TSGA13: variants seen among roughly 807,000 people sequenced by gnomAD.
TSGA13 encodes the protein testis-specific gene 13 protein.
TSGA13 carries 37 observed loss-of-function variants against 35.1 expected under a neutral mutation model. The ratio of observed to expected loss-of-function variants is 1.05; its 90% CI spans 0.81 to 1.39. The LOEUF (loss-of-function observed/expected upper bound fraction) is 1.39. Ranked by LOEUF, TSGA13 falls within the 40% of genes most tolerant of loss-of-function variation. The pLI is 0.00. For missense variants in TSGA13, 338 were observed against 328.5 expected (o/e 1.03, Z -0.22); for synonymous variants, 124 against 121.2 (o/e 1.02, Z -0.15).
chr7:130,679,461 A>T, intron 4 of TSGA13, 94 bp from the exon 5 acceptor site: 3 of 1,125,222 alleles, frequency 2.7e-6, no homozygotes, highest in Middle Eastern at 3.0e-4. Flanking sequence ...CTGTGGGGTA[A>T]GAACAGAAGC....
At chr7:130,672,467 T>A (rs1796295498) in intron 6 of TSGA13, among the ~76,000 whole-genome samples, 1 of 149,890 alleles carries the variant, frequency 6.7e-6, no homozygotes, top group South Asian at 2.1e-4. Flanking sequence ...TGAGGGTACT[T>A]TTTTTTTTTT....
chr7:130,673,950 C>A (rs1269171412), intron 5 of TSGA13, among the ~76,000 whole-genome samples: 1 of 151,794 alleles, frequency 6.6e-6, no homozygotes, highest in East Asian at 2.0e-4. Context: ...AAAAAATTAG[C>A]TGGGCGTGGT....
intron 4 of TSGA13, among the ~76,000 whole-genome samples, chr7:130,680,047 G>A (rs996932931): frequency 5.3e-5 from 8 of 152,192 alleles, no homozygotes; most frequent in Non-Finnish European, 1.0e-4. Flanking sequence ...TAAGGTACGA[G>A]GGAAAGCTAC....
At chr7:130,674,181 T>C (rs1361576354) in intron 5 of TSGA13, among the ~76,000 whole-genome samples, 2 of 136,120 alleles carry the variant, frequency 1.5e-5, no homozygotes, top group African/African-American at 5.3e-5. Context: ...TTTTTTTTTT[T>C]TTTTTTTTGA....
rs782521421 is a variant in TSGA13 at position 130,671,742 on chromosome 7, C to G, written c.577G>C (p.Val193Leu). The G allele has an allele frequency of 6.2e-7, 1 of 1,607,138 alleles. No individual in the cohort carries two copies. The highest frequency in any genetic ancestry group is 1.1e-5 in the South Asian group (1 of 90,214). ...TTCTTCTGTGTCCTCAAAGCGTAGA[C>G]TTTTGAATACTTCCCTTCGCTCTTG... is the stretch of plus-strand genomic sequence containing the variant. ...DFKSEGKYSKVYALRTQKKMY... is the reference protein window; with the variant it reads ...DFKSEGKYSKLYALRTQKKMY... Residue 193 changes from valine (V) to leucine (L), a missense_variant, in exon 7 of 8, where the codon GTC (valine) becomes CTC (leucine). Val to Leu is a conservative substitution (Grantham distance 32, BLOSUM62 1). Transcript: ENST00000356588.
chr7:130,671,053 C>T (rs1796256675), intron 7 of TSGA13, among the ~76,000 whole-genome samples: 1 of 152,126 alleles, frequency 6.6e-6, no homozygotes, highest in Non-Finnish European at 1.5e-5. Flanking sequence ...GGAGGATTCT[C>T]ATTGTACCCT....
chr7:130,683,043 A>T (rs565242575), intron 3 of TSGA13, among the ~76,000 whole-genome samples: 35 of 152,134 alleles, frequency 2.3e-4, no homozygotes, highest in Admixed American at 4.6e-4. Flanking sequence ...CAGGTTTTTT[A>T]AAAAAAATAA....
rs1584626861 is a variant in TSGA13, at chr7:130,669,028, T to C, written c.814A>G (p.Thr272Ala). The change falls in exon 8 of 8, where the codon ACG (threonine) becomes GCG (alanine). Residue 272 changes from threonine to alanine, a missense_variant. By Grantham distance (58) the Thr-to-Ala change is moderately conservative. Coordinates refer to ENST00000356588, the MANE Select transcript of TSGA13 (RefSeq NM_052933.4). ...RAPQWIIKKA[T>A]VIG The stretch of plus-strand genomic sequence containing the variant: ...GGGGTCTGTGTTCACCCGATGACCG[T>C]GGCCTTTTTGATAATCCACTGCGGG... 3 of 1,614,166 alleles carry C rather than the reference T, an allele frequency of 1.9e-6. No homozygotes were observed. The highest frequency in any genetic ancestry group is 1.7e-6 in the Non-Finnish European group (2 of 1,180,032).
At chr7:130,678,395 G>A (rs187904706) in intron 5 of TSGA13, among the ~76,000 whole-genome samples, 1 of 151,696 alleles carries the variant, frequency 6.6e-6, no homozygotes, top group Non-Finnish European at 1.5e-5. Context: ...AAAAAAAATG[G>A]TTTGGCTACT....
chr7:130,676,878 CT>C (rs1327068202), intron 5 of TSGA13, among the ~76,000 whole-genome samples: 1 of 151,526 alleles, frequency 6.6e-6, no homozygotes, highest in African/African-American at 2.4e-5. Context: ...CTATCATGAC[CT>C]TTTTTAGATT....
intron 5 of TSGA13, among the ~76,000 whole-genome samples, chr7:130,675,767 A>G (rs1796398793): frequency 2.0e-5 from 3 of 152,246 alleles, no homozygotes; most frequent in South Asian, 4.1e-4. Flanking sequence ...CAATTCAGAG[A>G]CCTGGAAACA....
rs1162370815 is a variant in TSGA13, at chr7:130,674,169, C to CTTTTTTT, written c.388-1300_388-1294dup. Among the ~76,000 whole-genome samples, 81 of 98,402 alleles carry CTTTTTTT rather than the reference C, an allele frequency of 8.2e-4. 1 individual carries two copies. The highest frequency in any genetic ancestry group is 1.3e-3 in the South Asian group (3 of 2,350). 64.6% of individuals were successfully genotyped at this position (98,402 alleles called of 152,430 possible). A position where few individuals can be genotyped will look rare whatever the true frequency, so the allele number is the denominator to read the frequency against. ...CTTTTCTTCTTTTTTTTCTTTTTTT[C>CTTTTTTT]TTTTTTTTTTTTTTTTTTTTGAGAT... On this transcript the variant is annotated intron_variant, in intron 5 of 7. Coordinates refer to ENST00000356588, the MANE Select transcript of TSGA13 (RefSeq NM_052933.4).
intron 4 of TSGA13, 56 bp from the exon 5 acceptor site, chr7:130,679,423 A>G: frequency 6.7e-7 from 1 of 1,487,130 alleles, no homozygotes; most frequent in Non-Finnish European, 9.1e-7. Flanking sequence ...AGAGCAGGTT[A>G]ACAAATCGGT....
chr7:130,672,819 T>G lies in TSGA13; in HGVS notation c.445A>C (p.Lys149Gln), dbSNP rs782402473. 6.2e-7 allele frequency: 1 copy of G among 1,614,184 alleles called. No individual in the cohort carries two copies. Among genetic ancestry groups the G allele is most frequent in the Admixed American group, 1.7e-5 (1 of 60,024 alleles). ...ENLWLPRMPQ[K>Q]KKLRSKLKPI... ...TTCAGCTTAGATCTTAACTTTTTTT[T>G]CTGAGGCATGCGGGGCAGCCAGAGG... The change falls in exon 6 of 8, where the codon AAA (lysine) becomes CAA (glutamine). Residue 149 changes from lysine (K) to glutamine (Q), a missense_variant. Transcript: ENST00000356588.
intron 5 of TSGA13, among the ~76,000 whole-genome samples, chr7:130,673,706 A>G (rs937728589): frequency 6.6e-6 from 1 of 152,160 alleles, no homozygotes; most frequent in Admixed American, 6.5e-5. Flanking sequence ...AGAAAGCTAC[A>G]GTTCATATTC....
At position 130,671,674 on chromosome 7, in the gene TSGA13, ATC is replaced by A; in HGVS notation, c.643_644del (p.Asp215TyrfsTer12). On this transcript the variant is annotated frameshift_variant, in exon 7 of 8. Transcript: ENST00000356588. LOFTEE classifies it high-confidence loss of function. ...AGAGGAGCTTACCATCTTTCCTCAT[ATC>A]TCTCTCATGGACTGGAGCAAAGGTG... ...QLTFAPVHERDMRKDASKKSA... is the reference protein window; with the variant it reads ...QLTFAPVHERXMRKDASKKSA... 3 of 1,580,656 alleles carry A rather than the reference ATC, an allele frequency of 1.9e-6. No individual in the cohort carries two copies. Among genetic ancestry groups the A allele is most frequent in the Non-Finnish European group, 1.7e-6 (2 of 1,159,442 alleles).
At chr7:130,669,253 A>G (rs1796188066) in intron 7 of TSGA13, 70 bp from the exon 8 acceptor site, 47 of 1,597,840 alleles carry the variant, frequency 2.9e-5, no homozygotes, top group Middle Eastern at 3.3e-4. Flanking sequence ...TTAATGTGAG[A>G]TGTAAAGGAG....
At chr7:130,671,812 T>A in intron 6 of TSGA13, 24 bp from the exon 7 acceptor site, 1 of 1,556,028 alleles carries the variant, frequency 6.4e-7, no homozygotes, top group Non-Finnish European at 8.7e-7. Flanking sequence ...GTTCTTTGTT[T>A]AGTAGATCCT....
At chr7:130,675,619 G>A (rs996793539) in intron 5 of TSGA13, among the ~76,000 whole-genome samples, 3 of 152,164 alleles carry the variant, frequency 2.0e-5, no homozygotes, top group Non-Finnish European at 4.4e-5. Flanking sequence ...TCCTGACCTC[G>A]TGATCTGCCT....
Sources: gnomAD v4.1 joint callset for allele counts (sites outside exome capture counted in the v4.1 genomes callset) on GRCh38, gnomAD v4.1.1 for gene constraint, MANE v1.5 for transcripts, NCBI Gene and HGNC (gene_info 2026-07-23, HGNC 2026-07-21) for gene names.